OPCML: variants seen among roughly 807,000 people sequenced by gnomAD.
OPCML encodes the protein opioid-binding protein/cell adhesion molecule.
In OPCML, 13 loss-of-function variants were observed where a neutral mutation model predicts 37.8. The observed-to-expected ratio is 0.34, with a 90% CI of 0.22 to 0.55. The LOEUF (loss-of-function observed/expected upper bound fraction) is 0.55. Among genes scored for constraint, OPCML ranks in the 20% least tolerant of loss-of-function variants. OPCML has a pLI of 0.91. For missense variants in OPCML, 341 were observed against 435.6 expected (o/e 0.78, Z 1.93); for synonymous variants, 176 against 168.8 (o/e 1.04, Z -0.33).
chr11:133,064,213 G>A (rs1948400326), intron 1 of OPCML, among the ~76,000 whole-genome samples: 1 of 152,262 alleles, frequency 6.6e-6, no homozygotes, highest in African/African-American at 2.4e-5. Flanking sequence ...CCCACTAGCC[G>A]ACCCCAGCGC....
chr11:132,778,961 C>CTTTTTTTTTTTTTTTT (rs10657036), intron 2 of OPCML, among the ~76,000 whole-genome samples: 1 of 87,944 alleles, frequency 1.1e-5, no homozygotes, highest in African/African-American at 4.4e-5. Context: ...TGGTATATTT[C>CTTTTTTTTTTTTTTTT]TTTTTTTTTT....
At chr11:133,378,803 G>A (rs759455282) in intron 1 of OPCML, among the ~76,000 whole-genome samples, 2 of 151,908 alleles carry the variant, frequency 1.3e-5, no homozygotes, top group East Asian at 1.9e-4. Flanking sequence ...TGCAATCAGA[G>A]GTCATTGCAG....
At chr11:133,498,045 G>A (rs1188390420) in intron 1 of OPCML, among the ~76,000 whole-genome samples, 1 of 152,196 alleles carries the variant, frequency 6.6e-6, no homozygotes, top group East Asian at 1.9e-4. Context: ...ATAAATTACA[G>A]GCCAGGCTGT....
intron 3 of OPCML, among the ~76,000 whole-genome samples, chr11:132,633,902 G>A (rs1475286433): frequency 6.6e-6 from 1 of 151,760 alleles, no homozygotes; most frequent in Non-Finnish European, 1.5e-5. Context: ...AATCGGGGGT[G>A]GGAGGCTGGG....
At chr11:133,464,129 A>G (rs1286615034) in intron 1 of OPCML, among the ~76,000 whole-genome samples, 2 of 152,082 alleles carry the variant, frequency 1.3e-5, no homozygotes, top group East Asian at 3.9e-4. Flanking sequence ...CTGTCACTTC[A>G]TTTTCCTCAG....
chr11:132,889,643 T>C (rs1432549017), intron 2 of OPCML, among the ~76,000 whole-genome samples: 1 of 152,250 alleles, frequency 6.6e-6, no homozygotes, highest in Non-Finnish European at 1.5e-5. Flanking sequence ...TAATTACAAT[T>C]AATACATTTT....
At chr11:133,014,315 C>T (rs1947277014) in intron 1 of OPCML, among the ~76,000 whole-genome samples, 1 of 151,780 alleles carries the variant, frequency 6.6e-6, no homozygotes, top group Non-Finnish European at 1.5e-5. Context: ...TGTTAAGCTG[C>T]TTGTTTTTTT....
chr11:132,662,042 A>G (rs939032979), intron 2 of OPCML, among the ~76,000 whole-genome samples: 1 of 152,326 alleles, frequency 6.6e-6, no homozygotes, highest in East Asian at 1.9e-4. Flanking sequence ...ATGTTTCTGA[A>G]TATGTACCGT....
intron 1 of OPCML, among the ~76,000 whole-genome samples, chr11:133,189,441 G>T (rs1239129131): frequency 6.6e-6 from 1 of 152,172 alleles, no homozygotes; most frequent in Non-Finnish European, 1.5e-5. Context: ...TTTTAACAAG[G>T]ATCTGAAAAG....
rs71067402 is a variant in OPCML at position 132,841,860 on chromosome 11, CAAAAAAAAAAAA to C, written c.146+101054_146+101065del. The stretch of plus-strand genomic sequence containing the variant: ...TGGGTGACAGAATGACACTCTATCT[CAAAAAAAAAAAA>C]AAAAAAAAAAAAAAAAAAGAATAAC... On this transcript the variant is annotated intron_variant, in intron 2 of 7. Transcript: ENST00000524381. Among the ~76,000 whole-genome samples, 148 of 34,694 alleles carry C rather than the reference CAAAAAAAAAAAA, an allele frequency of 4.3e-3. 1 individual carries two copies. The highest frequency in any genetic ancestry group is 6.6e-3 in the Admixed American group (14 of 2,106). 22.8% of individuals were successfully genotyped at this position (34,694 alleles called of 152,430 possible).
At chr11:132,510,791 C>A (rs1173490259) in intron 4 of OPCML, among the ~76,000 whole-genome samples, 1 of 152,106 alleles carries the variant, frequency 6.6e-6, no homozygotes, top group Non-Finnish European at 1.5e-5. Flanking sequence ...CACACATACA[C>A]ACAAATCAGC....
chr11:132,703,666 T>C (rs140998145), intron 2 of OPCML, among the ~76,000 whole-genome samples: 571 of 152,294 alleles, frequency 3.7e-3, no homozygotes, highest in Non-Finnish European at 7.0e-3. Context: ...CTAGAGAGAC[T>C]GATCTAAAGA....
chr11:132,459,522 T>C (rs2096093723), intron 4 of OPCML, among the ~76,000 whole-genome samples: 1 of 148,338 alleles, frequency 6.7e-6, no homozygotes, highest in Admixed American at 6.8e-5. Context: ...TATATATATA[T>C]ATACACACAT....
chr11:133,093,218 C>T (rs1169877458), intron 1 of OPCML, among the ~76,000 whole-genome samples: 1 of 151,858 alleles, frequency 6.6e-6, no homozygotes, highest in Admixed American at 6.6e-5. Flanking sequence ...TTCTCCCTTG[C>T]CAACCCCCCC....
chr11:133,053,553 TC>T (rs1163008062), intron 1 of OPCML, among the ~76,000 whole-genome samples: 1 of 152,162 alleles, frequency 6.6e-6, no homozygotes, highest in Non-Finnish European at 1.5e-5. Flanking sequence ...ACCTAGGAAT[TC>T]CCCCATGCAA....
At chr11:132,819,506 T>C (rs557155607) in intron 2 of OPCML, among the ~76,000 whole-genome samples, 2 of 152,218 alleles carry the variant, frequency 1.3e-5, no homozygotes, top group African/African-American at 4.8e-5. Flanking sequence ...ACCCAATAGA[T>C]GAATTTAATA....
chr11:133,299,869 G>T (rs1023515852), intron 1 of OPCML: 1 of 152,088 alleles, frequency 6.6e-6, no homozygotes, highest in Non-Finnish European at 1.5e-5. Context: ...ATTAAATACC[G>T]CCACGACCAC....
intron 2 of OPCML, among the ~76,000 whole-genome samples, chr11:132,779,773 C>G (rs2136146797): frequency 6.6e-6 from 1 of 152,234 alleles, no homozygotes; most frequent in Non-Finnish European, 1.5e-5. Context: ...GCCACCAACT[C>G]TCCATCATTT....
At chr11:133,042,049 G>A (rs909448594) in intron 1 of OPCML, among the ~76,000 whole-genome samples, 18 of 152,116 alleles carry the variant, frequency 1.2e-4, no homozygotes, top group Admixed American at 7.9e-4. Flanking sequence ...CTGGGGGGTG[G>A]GGGGAGCCTG....
Sources: allele counts gnomAD v4.1 joint callset (sites outside exome capture counted in the v4.1 genomes callset), GRCh38; gene constraint gnomAD v4.1.1; transcripts MANE v1.5; gene names NCBI Gene and HGNC (gene_info 2026-07-23, HGNC 2026-07-21).